Variants in WDPCP observed in about 807,000 individuals in gnomAD.
WDPCP encodes WD repeat-containing and planar cell polarity effector protein fritz homolog.
WDPCP carries 71 observed loss-of-function variants against 93.1 expected under a neutral mutation model. The ratio of observed to expected loss-of-function variants is 0.76; its 90% CI spans 0.63 to 0.93. The LOEUF is 0.93. WDPCP is among the 40% of genes least tolerant of loss of function. The probability of loss-of-function intolerance (pLI) is 0.00; values close to 1 mark genes in which losing one functional copy is unlikely to be tolerated. For missense variants in WDPCP, 844 were observed against 887.4 expected, an observed-to-expected ratio of 0.95 and a Z score of 0.62; for synonymous variants, 315 against 315.0, an observed-to-expected ratio of 1.00 and a Z score of 0.00.
chr2:63,341,327 C>T (rs1688821173), intron 12 of WDPCP, among the ~76,000 whole-genome samples: 1 of 152,160 alleles, frequency 6.6e-6, no homozygotes, highest in Non-Finnish European at 1.5e-5. Flanking sequence ...CAGGGTTTCA[C>T]CATATTGGCC....
At chr2:63,422,288 A>T (rs1695926396) in intron 9 of WDPCP, among the ~76,000 whole-genome samples, 1 of 152,206 alleles carries the variant, frequency 6.6e-6, no homozygotes, top group African/African-American at 2.4e-5. Context: ...CAACCTGAAG[A>T]GCCTCCCACT....
At chr2:63,633,689 G>A (rs1236115164) in intron 3 of WDPCP, among the ~76,000 whole-genome samples, 1 of 152,002 alleles carries the variant, frequency 6.6e-6, no homozygotes, top group Non-Finnish European at 1.5e-5. Flanking sequence ...AGGAACAAAG[G>A]AACTAAAAAC....
intron 12 of WDPCP, among the ~76,000 whole-genome samples, chr2:63,338,718 A>G (rs114964008): frequency 0.012 from 1,866 of 149,990 alleles, 43 homozygotes; most frequent in African/African-American, 0.044. Context: ...AGGGTTCTCT[A>G]TTCTGTTCCA....
intron 17 of WDPCP, among the ~76,000 whole-genome samples, chr2:63,136,756 A>C (rs983107078): frequency 6.6e-6 from 1 of 151,936 alleles, no homozygotes; most frequent in Non-Finnish European, 1.5e-5. Context: ...GTTTCCCTCT[A>C]TGTGTCCATG....
intron 14 of WDPCP, among the ~76,000 whole-genome samples, chr2:63,255,603 C>T (rs1681067890): frequency 6.6e-6 from 1 of 152,140 alleles, no homozygotes; most frequent in Non-Finnish European, 1.5e-5. Flanking sequence ...TCCCCCTTTA[C>T]CTTCTACCAT....
chr2:63,163,015 A>G (rs977188936), intron 15 of WDPCP, among the ~76,000 whole-genome samples: 2 of 152,194 alleles, frequency 1.3e-5, no homozygotes, highest in East Asian at 3.8e-4. Context: ...CTGCAGTTCC[A>G]TAAAAGAGCT....
intron 14 of WDPCP, among the ~76,000 whole-genome samples, chr2:63,214,705 A>G (rs1677159105): frequency 1.3e-5 from 2 of 152,200 alleles, no homozygotes; most frequent in South Asian, 4.1e-4. Context: ...AGATGACATG[A>G]TTGTATATTT....
Position 63,703,650 on chromosome 2 carries a change from T to C in WDPCP, n.309-52812A>G, listed in dbSNP as rs1410075378. On this transcript the variant is annotated intron_variant and non_coding_transcript_variant, in intron 2 of 4. Coordinates refer to the WDPCP transcript ENST00000467687. ...GTTCCATGGGCTCTGTTCTGTTCCA[T>C]GGGTCTATATCTCTGTTTTGGTACC... is the stretch of plus-strand genomic sequence containing the variant. Among the ~76,000 whole-genome samples the C allele has an allele frequency of 5.3e-5, 8 of 152,284 alleles. No individual in the cohort carries two copies. In the South Asian group the frequency reaches 1.7e-3, roughly 32 times the overall value.
At chr2:63,183,570 CT>C (rs1489550568) in intron 14 of WDPCP, among the ~76,000 whole-genome samples, 2 of 151,986 alleles carry the variant, frequency 1.3e-5, no homozygotes, top group African/African-American at 4.8e-5. Context: ...TTTGAGAATG[CT>C]GCATGCACTG....
intron 13 of WDPCP, among the ~76,000 whole-genome samples, chr2:63,271,065 C>A (rs2945032): frequency 0.81 from 123,256 of 152,218 alleles, 50,691 homozygotes; most frequent in East Asian, 0.96. Context: ...CTCAGGTATG[C>A]CCAGGTTTGC....
intron 3 of WDPCP, among the ~76,000 whole-genome samples, chr2:63,641,548 T>C (rs1709980330): frequency 1.3e-5 from 2 of 152,298 alleles, no homozygotes; most frequent in South Asian, 2.1e-4. Flanking sequence ...ATCAGTGATA[T>C]TGGGCACTTT....
intron 10 of WDPCP, among the ~76,000 whole-genome samples, chr2:63,392,791 C>T (rs1693383424): frequency 6.6e-6 from 1 of 152,122 alleles, no homozygotes; most frequent in African/African-American, 2.4e-5. Context: ...AAAAAATGCT[C>T]ATCATCACTG....
At chr2:63,811,904 C>T (rs115796698) in intron 2 of WDPCP, among the ~76,000 whole-genome samples, 1,859 of 152,246 alleles carry the variant, frequency 0.012, 17 homozygotes, top group Non-Finnish European at 0.015. Context: ...CACTCTATCA[C>T]CCTGGCTGGA....
At chr2:63,203,038 C>T (rs928356335) in intron 14 of WDPCP, among the ~76,000 whole-genome samples, 5 of 151,952 alleles carry the variant, frequency 3.3e-5, no homozygotes, top group African/African-American at 9.7e-5. Flanking sequence ...TGTTGTCTGC[C>T]TTATTTGGGG....
chr2:63,681,487 G>T (rs1426705327), intron 2 of WDPCP, among the ~76,000 whole-genome samples: 1 of 152,192 alleles, frequency 6.6e-6, no homozygotes, highest in Non-Finnish European at 1.5e-5. Context: ...GAGTGGGAAG[G>T]ACTGCATCTT....
At chr2:63,308,278 T>C (rs1184386667) in intron 13 of WDPCP, among the ~76,000 whole-genome samples, 2 of 152,048 alleles carry the variant, frequency 1.3e-5, no homozygotes, top group Non-Finnish European at 2.9e-5. Context: ...AATAGAAACG[T>C]TTTAACGCTG....
intron 14 of WDPCP, 40 bp from the exon 15 acceptor site, chr2:63,174,872 C>T: frequency 6.3e-7 from 1 of 1,597,294 alleles, no homozygotes; most frequent in Non-Finnish European, 8.6e-7. Flanking sequence ...ATACTAAGTA[C>T]AATTTCTGCT....
At chr2:63,608,312 A>G (rs1209582168) in intron 3 of WDPCP, among the ~76,000 whole-genome samples, 1 of 152,176 alleles carries the variant, frequency 6.6e-6, no homozygotes, top group Non-Finnish European at 1.5e-5. Context: ...TAACACTAGC[A>G]TAGTGTTATG....
Position 63,454,070 on chromosome 2 carries a change from C to T in WDPCP, c.385-14199G>A, listed in dbSNP as rs368329581. 1.3e-4 allele frequency among the ~76,000 whole-genome samples: 19 copies of T among 150,346 alleles called. No homozygotes were observed. The South Asian group carries it at 3.4e-3, about 27-fold the overall frequency. ...TGGATACATATGTAACAAACCTGCA[C>T]GTTGTGCACATGTACCCTAGAACTT... On this transcript the variant is annotated intron_variant, in intron 6 of 17. Coordinates refer to ENST00000272321, the MANE Select transcript of WDPCP (RefSeq NM_015910.7).
Sources: gnomAD v4.1 joint callset for allele counts (sites outside exome capture counted in the v4.1 genomes callset) on GRCh38, gnomAD v4.1.1 for gene constraint, MANE v1.5 for transcripts, NCBI Gene and HGNC (gene_info 2026-07-23, HGNC 2026-07-21) for gene names.